MAGI1: variants seen among roughly 807,000 people sequenced by gnomAD.
The protein encoded by MAGI1 is membrane-associated guanylate kinase, WW and PDZ domain-containing protein 1.
MAGI1 carries 58 observed loss-of-function variants against 139.9 expected under a neutral mutation model. That is an observed-to-expected ratio of 0.41 (90% CI 0.34 to 0.52). The LOEUF (loss-of-function observed/expected upper bound fraction) is 0.52, where lower values mean the gene tolerates loss of function less well. Among genes scored for constraint, MAGI1 ranks in the 20% least tolerant of loss-of-function variants. The pLI, the probability that MAGI1 is intolerant of heterozygous loss-of-function variation, is 0.12. For missense variants in MAGI1, 1,874 were observed against 1,901.6 expected, an observed-to-expected ratio of 0.99 and a Z score of 0.27; for synonymous variants, 812 against 737.9, an observed-to-expected ratio of 1.10 and a Z score of -1.63.
intron 1 of MAGI1, among the ~76,000 whole-genome samples, chr3:65,989,396 A>AT (rs1057437646): frequency 1.3e-5 from 2 of 152,090 alleles, no homozygotes; most frequent in Non-Finnish European, 2.9e-5. Flanking sequence ...AGGCATTGGT[A>AT]TTTTTTTATA....
At chr3:65,627,069 C>T (rs2084007595) in intron 1 of MAGI1, among the ~76,000 whole-genome samples, 1 of 152,250 alleles carries the variant, frequency 6.6e-6, no homozygotes, top group Admixed American at 6.5e-5. Context: ...CAAAGCCATA[C>T]TTACCATGGG....
At chr3:65,778,901 G>T (rs867293139) in intron 1 of MAGI1, among the ~76,000 whole-genome samples, 2 of 152,170 alleles carry the variant, frequency 1.3e-5, no homozygotes, top group African/African-American at 2.4e-5. Context: ...GACATTTGGG[G>T]ATGTCCAGAG....
At chr3:65,843,195 C>G (rs1224485944) in intron 1 of MAGI1, among the ~76,000 whole-genome samples, 2 of 152,182 alleles carry the variant, frequency 1.3e-5, no homozygotes, top group Non-Finnish European at 2.9e-5. Flanking sequence ...CTTAGGTGAT[C>G]TCTCATTATC....
At position 65,796,065 on chromosome 3, in the gene MAGI1, A is replaced by AG. The variant is rs1483328497; in HGVS notation, c.314-173978_314-173977insC. On this transcript the variant is annotated intron_variant, in intron 1 of 22. Transcript: ENST00000402939. ...GACTCTGTCTCAAAAAAAAAAAAAAAAAAAAGAAAAGAAAAGAAAAGAAAT... is the reference window on the plus strand; with the variant it reads ...GACTCTGTCTCAAAAAAAAAAAAAAAGAAAAAGAAAAGAAAAGAAAAGAAAT... Among the ~76,000 whole-genome samples the AG allele has an allele frequency of 1.1e-4, 16 of 150,978 alleles. No homozygotes were observed. In the East Asian group the frequency reaches 2.1e-3, roughly 20 times the overall value.
chr3:65,860,200 C>A (rs942808493), intron 1 of MAGI1, among the ~76,000 whole-genome samples: 1 of 152,052 alleles, frequency 6.6e-6, no homozygotes, highest in Non-Finnish European at 1.5e-5. Context: ...CCAGCCTAAT[C>A]AGGTATTTTT....
At position 65,471,296 on chromosome 3, in the gene MAGI1, C is replaced by T. The variant is rs140544607; in HGVS notation, c.758-812G>A. ...ATTCTGGTTGAATTTTTATAGAGGC[C>T]GATGATATTAAATGTCAATCTCCAC... On this transcript the variant is annotated intron_variant, in intron 4 of 22. Coordinates refer to ENST00000402939, the MANE Select transcript of MAGI1 (RefSeq NM_001033057.2). Among the ~76,000 whole-genome samples the T allele has an allele frequency of 4.6e-3, 702 of 152,050 alleles. 9 individuals carry two copies. The highest frequency in any genetic ancestry group is 0.016 in the African/African-American group (666 of 41,446).
At chr3:65,694,431 TAGTA>T (rs1489180726) in intron 1 of MAGI1, among the ~76,000 whole-genome samples, 5 of 140,656 alleles carry the variant, frequency 3.6e-5, no homozygotes, top group Non-Finnish European at 8.0e-5. Flanking sequence ...GCCTGGCGGG[TAGTA>T]AGTGCTAAAA....
At chr3:65,591,902 A>G (rs1469491977) in intron 2 of MAGI1, among the ~76,000 whole-genome samples, 7 of 152,120 alleles carry the variant, frequency 4.6e-5, no homozygotes, top group Non-Finnish European at 1.0e-4. Flanking sequence ...TGACACCTTG[A>G]AAACTCTATT....
intron 1 of MAGI1, among the ~76,000 whole-genome samples, chr3:65,712,360 C>G (rs1400059685): frequency 6.7e-6 from 1 of 150,152 alleles, no homozygotes; most frequent in African/African-American, 2.5e-5. Flanking sequence ...CCAAACAATG[C>G]CAGCAACAAC....
rs551157286 is a variant in MAGI1 at position 65,445,520 on chromosome 3, T to C, written c.1078+2502A>G. Among the ~76,000 whole-genome samples the C allele has an allele frequency of 5.3e-5, 8 of 152,200 alleles. No individual in the cohort carries two copies. In the South Asian group the frequency reaches 1.7e-3, roughly 32 times the overall value. The stretch of plus-strand genomic sequence containing the variant: ...TTCTTTTCAAAGAGATTTCTCTGTA[T>C]ATAGATTGAAAATCATGTTCAAAAT... On this transcript the variant is annotated intron_variant, in intron 7 of 22. Transcript: ENST00000402939.
intron 1 of MAGI1, among the ~76,000 whole-genome samples, chr3:65,704,108 C>T (rs561815182): frequency 6.6e-6 from 1 of 152,288 alleles, no homozygotes; most frequent in African/African-American, 2.4e-5. Context: ...CACCAATCCA[C>T]TATTCCCTTT....
intron 2 of MAGI1, among the ~76,000 whole-genome samples, chr3:65,581,517 G>C (rs1281419614): frequency 1.3e-5 from 2 of 151,996 alleles, no homozygotes; most frequent in Non-Finnish European, 2.9e-5. Flanking sequence ...CTTTGTCCCA[G>C]CCACACTGTC....
chr3:65,644,493 T>C (rs1464488768), intron 1 of MAGI1, among the ~76,000 whole-genome samples: 1 of 150,798 alleles, frequency 6.6e-6, no homozygotes, highest in Non-Finnish European at 1.5e-5. Context: ...CTCAGGAGGT[T>C]GAGGCTACAG....
In MAGI1 at chr3:65,429,919, C is replaced by T. The variant is rs765854246; in HGVS notation, c.1768G>A (p.Asp590Asn). ...TTACTACTGTGGCTAGCTGGTGAAT[C>T]ATAGGTCTCTTGCCCATTCACAATA... is the stretch of plus-strand genomic sequence containing the variant. ...PIIVNGQETY[D>N]SPASHSSKTG... Residue 590 changes from aspartate to asparagine, a missense_variant, in exon 12 of 23, where the codon GAT (aspartate) becomes AAT (asparagine). By Grantham distance (23) the Asp-to-Asn change is conservative. Transcript: ENST00000402939. 1.1e-5 allele frequency: 17 copies of T among 1,614,016 alleles called. No homozygotes were observed. The highest frequency in any genetic ancestry group is 1.1e-5 in the Non-Finnish European group (13 of 1,179,968).
chr3:65,388,582 C>T (rs905409786), intron 14 of MAGI1, among the ~76,000 whole-genome samples: 5 of 152,038 alleles, frequency 3.3e-5, no homozygotes, highest in South Asian at 2.1e-4. Flanking sequence ...TTCCTAGGTG[C>T]TGTGAAAATA....
chr3:65,941,067 C>T (rs889454215), intron 1 of MAGI1, among the ~76,000 whole-genome samples: 13 of 152,248 alleles, frequency 8.5e-5, no homozygotes, highest in Non-Finnish European at 5.9e-5. Flanking sequence ...TTGCCCCTGC[C>T]GGGCACGGTG....
chr3:65,528,520 A>C (rs17073058), intron 2 of MAGI1, among the ~76,000 whole-genome samples: 54,117 of 152,044 alleles, frequency 0.36, 10,766 homozygotes, highest in East Asian at 0.69. Flanking sequence ...TAGTAAGATA[A>C]AAGGCGGGTC....
intron 2 of MAGI1, among the ~76,000 whole-genome samples, chr3:65,509,171 G>A (rs1018499708): frequency 8.7e-5 from 8 of 92,030 alleles, no homozygotes; most frequent in African/African-American, 3.1e-4. Flanking sequence ...CCAATGGGTT[G>A]TTTCAAAACA....
intron 1 of MAGI1, among the ~76,000 whole-genome samples, chr3:65,890,036 G>C (rs1236700208): frequency 3.3e-5 from 5 of 151,968 alleles, no homozygotes; most frequent in African/African-American, 1.2e-4. Flanking sequence ...AATAAAAGTG[G>C]GCAACCAGTT....
Sources: allele counts gnomAD v4.1 joint callset (sites outside exome capture counted in the v4.1 genomes callset), GRCh38; gene constraint gnomAD v4.1.1; transcripts MANE v1.5; gene names NCBI Gene and HGNC (gene_info 2026-07-23, HGNC 2026-07-21).